Variants in SLC24A2 observed in about 807,000 individuals in gnomAD.
The protein encoded by SLC24A2 is sodium/potassium/calcium exchanger 2.
In SLC24A2, 36 loss-of-function variants were observed where a neutral mutation model predicts 62.0. The observed-to-expected ratio is 0.58, with a 90% CI of 0.44 to 0.77. SLC24A2 has a LOEUF of 0.77. Ranked by LOEUF, SLC24A2 falls within the 30% of genes least tolerant of loss-of-function variation. The probability of loss-of-function intolerance (pLI) is 0.00; values close to 1 mark genes in which losing one functional copy is unlikely to be tolerated. For missense variants in SLC24A2, 846 were observed against 817.9 expected (o/e 1.03, Z -0.42); for synonymous variants, 358 against 294.0 (o/e 1.22, Z -2.23).
At chr9:19,525,628 T>C (rs975960672) in intron 9 of SLC24A2, among the ~76,000 whole-genome samples, 8 of 151,964 alleles carry the variant, frequency 5.3e-5, no homozygotes, top group African/African-American at 1.7e-4. Flanking sequence ...GATCTCGAAC[T>C]CCTGGGGTCA....
chr9:19,674,790 G>T (rs1437344955), intron 2 of SLC24A2, among the ~76,000 whole-genome samples: 1 of 151,966 alleles, frequency 6.6e-6, no homozygotes, highest in African/African-American at 2.4e-5. Context: ...CATTGAGTTG[G>T]ACTTCATCTT....
chr9:19,592,845 A>G (rs1836598332), intron 5 of SLC24A2, among the ~76,000 whole-genome samples: 1 of 152,198 alleles, frequency 6.6e-6, no homozygotes, highest in Non-Finnish European at 1.5e-5. Flanking sequence ...TGCTCTTCCA[A>G]AAATATGCAG....
the SLC24A2 span, among the ~76,000 whole-genome samples, chr9:19,839,294 G>A: frequency 5.9e-5 from 9 of 152,266 alleles, no homozygotes; most frequent in African/African-American, 1.4e-4. Context: ...CTGTTGGTGT[G>A]ACTGTAAACT....
At chr9:19,725,012 TG>T (rs1257031632) in intron 2 of SLC24A2, among the ~76,000 whole-genome samples, 7 of 152,294 alleles carry the variant, frequency 4.6e-5, no homozygotes, top group African/African-American at 1.7e-4. Context: ...TTTCCAGCGC[TG>T]GTCTGCACCA....
chr9:20,236,778 G>T, the SLC24A2 span, among the ~76,000 whole-genome samples: 2 of 152,080 alleles, frequency 1.3e-5, no homozygotes, highest in African/African-American at 2.4e-5. Flanking sequence ...CACCTGCGGC[G>T]GGTGGAACTG....
At chr9:20,203,137 A>T in the SLC24A2 span, among the ~76,000 whole-genome samples, 57 of 149,956 alleles carry the variant, frequency 3.8e-4, 1 homozygote, top group African/African-American at 1.3e-3. Flanking sequence ...AAAAAAAAAG[A>T]CTGGGTTAGC....
the SLC24A2 span, among the ~76,000 whole-genome samples, chr9:20,033,809 T>A: frequency 6.6e-6 from 1 of 152,334 alleles, no homozygotes; most frequent in South Asian, 2.1e-4. Context: ...ACCCCTTTTT[T>A]AGCATATGAT....
At chr9:19,798,894 T>C in the SLC24A2 span, among the ~76,000 whole-genome samples, 171 of 152,306 alleles carry the variant, frequency 1.1e-3, 2 homozygotes, top group South Asian at 8.3e-4. Context: ...ATGTGACTTT[T>C]TTCTGTTTCT....
At chr9:19,735,110 A>G (rs571395815) in intron 2 of SLC24A2, among the ~76,000 whole-genome samples, 14 of 152,270 alleles carry the variant, frequency 9.2e-5, no homozygotes, top group African/African-American at 3.4e-4. Context: ...CAATCTATCC[A>G]TCTGACAATG....
chr9:19,761,148 G>A (rs1822312614), intron 2 of SLC24A2, among the ~76,000 whole-genome samples: 1 of 152,188 alleles, frequency 6.6e-6, no homozygotes, highest in Non-Finnish European at 1.5e-5. Flanking sequence ...ATAGTAGAAT[G>A]ATTTATAATC....
chr9:20,089,760 G>C, the SLC24A2 span, among the ~76,000 whole-genome samples: 1 of 133,168 alleles, frequency 7.5e-6, no homozygotes, highest in Non-Finnish European at 1.5e-5. Context: ...ATACACCTAT[G>C]CTTACGGCAC....
At chr9:19,659,757 T>C (rs541870149) in intron 2 of SLC24A2, among the ~76,000 whole-genome samples, 103 of 152,242 alleles carry the variant, frequency 6.8e-4, no homozygotes, top group African/African-American at 2.3e-3. Flanking sequence ...AGTGAGCTCT[T>C]AAGTGAGCTG....
the SLC24A2 span, among the ~76,000 whole-genome samples, chr9:20,301,244 T>C: frequency 6.6e-6 from 1 of 152,220 alleles, no homozygotes; most frequent in African/African-American, 2.4e-5. Flanking sequence ...CAAGTAAACA[T>C]GCTCTTAGTC....
rs1217597150 is a variant in SLC24A2 at position 19,560,895 on chromosome 9, GTGTATA to G, written c.1348-10633_1348-10628del. 3.5e-4 allele frequency among the ~76,000 whole-genome samples: 9 copies of G among 25,774 alleles called. No homozygotes were observed. In the East Asian group the frequency reaches 6.3e-3, roughly 18 times the overall value. The allele number at this position is 25,774 out of a possible 152,430, so 16.9% of individuals were successfully genotyped here. Reference sequence around the variant, plus strand: ...TCTTTGCATTTGTGTGTGTGTGTGTGTGTATATATATATATATATATAGAGAGAGAG... The same window carrying G: ...TCTTTGCATTTGTGTGTGTGTGTGTGTATATATATATATATAGAGAGAGAG... On this transcript the variant is annotated intron_variant, in intron 7 of 10. Transcript: ENST00000341998.
the SLC24A2 span, among the ~76,000 whole-genome samples, chr9:19,816,911 G>A: frequency 6.6e-6 from 1 of 152,052 alleles, no homozygotes; most frequent in Non-Finnish European, 1.5e-5. Context: ...AAATTTGGGT[G>A]AGGACAAACA....
At chr9:19,527,817 C>G (rs987326962) in intron 9 of SLC24A2, among the ~76,000 whole-genome samples, 1 of 152,298 alleles carries the variant, frequency 6.6e-6, no homozygotes, top group South Asian at 2.1e-4. Flanking sequence ...AGTAGTTAGA[C>G]TTGCCTGCCT....
the SLC24A2 span, among the ~76,000 whole-genome samples, chr9:19,955,077 TAA>T: frequency 6.6e-6 from 1 of 152,202 alleles, no homozygotes; most frequent in Non-Finnish European, 1.5e-5. Context: ...TAATCAATTC[TAA>T]GATACAAATA....
At chr9:20,022,647 G>A in the SLC24A2 span, among the ~76,000 whole-genome samples, 1 of 152,194 alleles carries the variant, frequency 6.6e-6, no homozygotes, top group African/African-American at 2.4e-5. Flanking sequence ...AAAGATCTCT[G>A]CTGCTTCTCT....
chr9:20,209,273 GAC>G, the SLC24A2 span, among the ~76,000 whole-genome samples: 1 of 152,144 alleles, frequency 6.6e-6, no homozygotes, highest in African/African-American at 2.4e-5. Flanking sequence ...GCATGTTAAG[GAC>G]ACAGTTTCTG....
Sources: allele counts gnomAD v4.1 joint callset (sites outside exome capture counted in the v4.1 genomes callset), GRCh38; gene constraint gnomAD v4.1.1; transcripts MANE v1.5; gene names NCBI Gene and HGNC (gene_info 2026-07-23, HGNC 2026-07-21).